KLHL2: variants seen among roughly 807,000 people sequenced by gnomAD.
The protein encoded by KLHL2 is kelch-like protein 2.
In KLHL2, 15 loss-of-function variants were observed where a neutral mutation model predicts 75.8. The observed-to-expected ratio is 0.20, with a 90% CI of 0.13 to 0.30. The LOEUF is 0.30. KLHL2 is among the 10% of genes least tolerant of loss of function. KLHL2 has a pLI of 1.00. For missense variants in KLHL2, 381 were observed against 741.0 expected (o/e 0.51, Z 5.64); for synonymous variants, 214 against 251.9 (o/e 0.85, Z 1.42).
intron 4 of KLHL2, among the ~76,000 whole-genome samples, chr4:165,254,604 C>T (rs1271126269): frequency 1.3e-5 from 2 of 152,142 alleles, no homozygotes; most frequent in African/African-American, 4.8e-5. Context: ...CCAAGGCTTA[C>T]TGTACTTTAG....
chr4:165,227,785 G>A (rs1283523353), intron 2 of KLHL2, among the ~76,000 whole-genome samples: 11 of 152,144 alleles, frequency 7.2e-5, no homozygotes, highest in Non-Finnish European at 1.5e-4. Context: ...CTGGCACCAC[G>A]CATTGCATGT....
At chr4:165,239,489 T>G (rs1196188915) in intron 4 of KLHL2, among the ~76,000 whole-genome samples, 1 of 152,132 alleles carries the variant, frequency 6.6e-6, no homozygotes, top group Middle Eastern at 3.2e-3. Context: ...GATCTCAAAC[T>G]CTTGGGCTCA....
intron 4 of KLHL2, among the ~76,000 whole-genome samples, chr4:165,257,552 A>G (rs1013839664): frequency 4.6e-5 from 7 of 152,200 alleles, no homozygotes; most frequent in African/African-American, 1.7e-4. Context: ...AAAGGTGGTC[A>G]AAGCCTGCTT....
chr4:165,239,190 C>T (rs1739603285), intron 4 of KLHL2, among the ~76,000 whole-genome samples: 1 of 151,528 alleles, frequency 6.6e-6, no homozygotes, highest in African/African-American at 2.4e-5. Context: ...ATGCTGCCCA[C>T]AATTTTTCTT....
At chr4:165,255,986 G>T (rs1196164156) in intron 4 of KLHL2, among the ~76,000 whole-genome samples, 1 of 152,024 alleles carries the variant, frequency 6.6e-6, no homozygotes, top group African/African-American at 2.4e-5. Flanking sequence ...GAATAAATAT[G>T]CAAGCTGAAA....
At position 165,238,887 on chromosome 4, in the gene KLHL2, A is replaced by T. The variant is rs1386751286; in HGVS notation, c.369A>T (p.Glu123Asp). The T allele has an allele frequency of 6.2e-7, 1 of 1,613,884 alleles. No homozygotes were observed. Among genetic ancestry groups the T allele is most frequent in the Non-Finnish European group, 8.5e-7 (1 of 1,179,968 alleles). Reference sequence around the variant, plus strand: ...ACACTGCAGAAATTCAGGTTACAGAAGAAAATGTACAGGTAAGAGTAAACA... The same window carrying T: ...ACACTGCAGAAATTCAGGTTACAGATGAAAATGTACAGGTAAGAGTAAACA... ...YVYTAEIQVT[E>D]ENVQVLLPAA... is the part of the protein sequence containing the mutation. Residue 123 changes from glutamate to aspartate, a missense_variant, in exon 4 of 15, where the codon GAA becomes GAT. Physicochemically the swap from Glu to Asp is conservative, Grantham distance 45. Transcript: ENST00000226725.
At chr4:165,219,064 C>A (rs1737776294) in intron 1 of KLHL2, among the ~76,000 whole-genome samples, 2 of 152,018 alleles carry the variant, frequency 1.3e-5, no homozygotes, top group African/African-American at 4.8e-5. Context: ...TAATTCTTGC[C>A]CCCCTCCTCA....
In KLHL2 at chr4:165,310,559, T is replaced by C. The variant is rs1257889127; in HGVS notation, c.1046T>C (p.Val349Ala). The C allele has an allele frequency of 6.2e-7, 1 of 1,613,742 alleles. No homozygotes were observed. The highest frequency in any genetic ancestry group is 8.5e-7 in the Non-Finnish European group (1 of 1,179,660). Residue 349 changes from valine (V) to alanine (A), a missense_variant, in exon 10 of 15, where the codon GTC (valine) becomes GCC (alanine). Physicochemically the swap from Val to Ala is moderately conservative, Grantham distance 64. Transcript: ENST00000226725. ...TGCTGTACTCCTTTTGCAGGCATGG[T>C]CTACATGGCTGGACTTGTTTTTGCT... is the stretch of plus-strand genomic sequence containing the variant. ...LPSRRCRAGM[V>A]YMAGLVFAVG...
At chr4:165,298,723 G>T (rs943622956) in intron 7 of KLHL2, among the ~76,000 whole-genome samples, 1 of 152,086 alleles carries the variant, frequency 6.6e-6, no homozygotes, top group African/African-American at 2.4e-5. Flanking sequence ...CAGGCATGAG[G>T]CCAGGAGTTC....
chr4:165,235,614 T>A (rs1325608332), intron 3 of KLHL2, among the ~76,000 whole-genome samples: 1 of 152,200 alleles, frequency 6.6e-6, no homozygotes. Flanking sequence ...TATACAGAGA[T>A]AAGAAAGGCT....
intron 5 of KLHL2, among the ~76,000 whole-genome samples, chr4:165,292,960 A>C (rs1325252167): frequency 1.3e-5 from 2 of 152,202 alleles, no homozygotes; most frequent in African/African-American, 4.8e-5. Flanking sequence ...GTGCTTTATA[A>C]ACCACTAGCT....
chr4:165,313,192 G>T, intron 11 of KLHL2, 46 bp from the exon 12 acceptor site: 3 of 1,582,354 alleles, frequency 1.9e-6, no homozygotes, highest in Admixed American at 1.9e-5. Flanking sequence ...TTTTTTGTTT[G>T]TTTGTTTTTT....
At chr4:165,307,504 A>G (rs933385220) in intron 9 of KLHL2, among the ~76,000 whole-genome samples, 1 of 152,214 alleles carries the variant, frequency 6.6e-6, no homozygotes, top group African/African-American at 2.4e-5. Flanking sequence ...CTTCATATTT[A>G]CCATTTTTCC....
chr4:165,250,081 C>A (rs544878514), intron 4 of KLHL2, among the ~76,000 whole-genome samples: 1 of 151,912 alleles, frequency 6.6e-6, no homozygotes, highest in East Asian at 1.9e-4. Flanking sequence ...CCGAGATCAC[C>A]CCACTGCACT....
intron 4 of KLHL2, among the ~76,000 whole-genome samples, chr4:165,256,516 G>A (rs1271972196): frequency 6.6e-6 from 1 of 152,078 alleles, no homozygotes; most frequent in East Asian, 1.9e-4. Context: ...GACTCCAAAG[G>A]CCTTTCAACA....
intron 3 of KLHL2, among the ~76,000 whole-genome samples, chr4:165,234,999 A>G (rs995717186): frequency 2.0e-5 from 3 of 151,132 alleles, no homozygotes; most frequent in Admixed American, 2.0e-4. Context: ...ACTCTGTCTC[A>G]AAAAAAAAGG....
chr4:165,298,450 T>C (rs1242917615), intron 7 of KLHL2, among the ~76,000 whole-genome samples: 1 of 152,162 alleles, frequency 6.6e-6, no homozygotes, highest in Non-Finnish European at 1.5e-5. Context: ...AATGATTCTT[T>C]AGTGGTCTCC....
intron 4 of KLHL2, among the ~76,000 whole-genome samples, chr4:165,260,626 TC>T (rs1185690877): frequency 6.6e-6 from 1 of 152,180 alleles, no homozygotes; most frequent in African/African-American, 2.4e-5. Context: ...AATTTTTTTT[TC>T]ACTCAGGAAT....
intron 9 of KLHL2, among the ~76,000 whole-genome samples, chr4:165,308,570 T>G (rs932288867): frequency 2.6e-5 from 4 of 152,146 alleles, no homozygotes; most frequent in Non-Finnish European, 5.9e-5. Flanking sequence ...ACCCAGAGCC[T>G]TTGGTAGGGG....
Sources: allele counts gnomAD v4.1 joint callset (sites outside exome capture counted in the v4.1 genomes callset), GRCh38; gene constraint gnomAD v4.1.1; transcripts MANE v1.5; gene names NCBI Gene and HGNC (gene_info 2026-07-23, HGNC 2026-07-21).